CCDC171: variants seen among roughly 807,000 people sequenced by gnomAD.
CCDC171 encodes the protein coiled-coil domain containing 171.
CCDC171 carries 177 observed loss-of-function variants against 168.2 expected under a neutral mutation model. The ratio of observed to expected loss-of-function variants is 1.05; its 90% CI spans 0.93 to 1.19. The LOEUF (loss-of-function observed/expected upper bound fraction) is 1.19, where lower values mean the gene tolerates loss of function less well. Ranked by LOEUF, CCDC171 falls within the 50% of genes most tolerant of loss-of-function variation. The pLI is 0.00. For missense variants in CCDC171, 1,991 were observed against 1,539.0 expected (o/e 1.29, Z -4.91); for synonymous variants, 687 against 540.8 (o/e 1.27, Z -3.75).
At chr9:15,659,680 C>G (rs2048178829) in intron 8 of CCDC171, among the ~76,000 whole-genome samples, 1 of 152,230 alleles carries the variant, frequency 6.6e-6, no homozygotes, top group South Asian at 2.1e-4. Context: ...GCTTATTTGG[C>G]TTTAGCAAGT....
chr9:15,664,216 A>G (rs772832321), intron 8 of CCDC171, among the ~76,000 whole-genome samples: 3 of 152,098 alleles, frequency 2.0e-5, no homozygotes, highest in East Asian at 1.9e-4. Flanking sequence ...CCACTATGCA[A>G]TATATCCAGG....
chr9:15,923,542 A>G lies in CCDC171; in HGVS notation c.3753+3120A>G, dbSNP rs928385769. ...GGGAGATGTTGGTCAGAGAATATAT[A>G]ATTACAGTTAGGTAGGAGAAATAAG... is the stretch of plus-strand genomic sequence containing the variant. On this transcript the variant is annotated intron_variant, in intron 25 of 25. Transcript: ENST00000380701. Among the ~76,000 whole-genome samples, 31 of 151,264 alleles carry G rather than the reference A, an allele frequency of 2.0e-4. 1 individual carries two copies. Among genetic ancestry groups the G allele is most frequent in the African/African-American group, 7.3e-4 (30 of 41,338 alleles).
the CCDC171 span, among the ~76,000 whole-genome samples, chr9:16,078,055 A>AACACAC: frequency 8.8e-4 from 126 of 143,900 alleles, no homozygotes; most frequent in South Asian, 3.9e-3. Context: ...CACCCATGCA[A>AACACAC]ACACACACAC....
the CCDC171 span, among the ~76,000 whole-genome samples, chr9:16,103,044 C>A: frequency 6.6e-6 from 1 of 152,332 alleles, no homozygotes; most frequent in Admixed American, 6.5e-5. Context: ...CAAGCTTTGA[C>A]GCCTGCGTCT....
At chr9:15,621,877 A>C (rs1179033612) in intron 6 of CCDC171, among the ~76,000 whole-genome samples, 1 of 152,250 alleles carries the variant, frequency 6.6e-6, no homozygotes, top group Non-Finnish European at 1.5e-5. Context: ...CATGGAGTCA[A>C]CCTAAATGCT....
intron 18 of CCDC171, among the ~76,000 whole-genome samples, chr9:15,769,961 C>G (rs1057158919): frequency 1.3e-5 from 2 of 152,090 alleles, no homozygotes; most frequent in African/African-American, 4.8e-5. Flanking sequence ...CTTTCCAATA[C>G]AAATTGCATT....
chr9:15,582,669 A>C (rs994705832), intron 4 of CCDC171, among the ~76,000 whole-genome samples: 2 of 152,172 alleles, frequency 1.3e-5, no homozygotes. Context: ...ATTCTCCACA[A>C]ACTAACACAA....
At chr9:16,080,870 T>C in the CCDC171 span, among the ~76,000 whole-genome samples, 1 of 152,202 alleles carries the variant, frequency 6.6e-6, no homozygotes, top group Non-Finnish European at 1.5e-5. Context: ...TCTCTGACCA[T>C]AGTCAGTAGT....
At chr9:15,654,891 A>T (rs1415744842) in intron 7 of CCDC171, among the ~76,000 whole-genome samples, 1 of 152,152 alleles carries the variant, frequency 6.6e-6, no homozygotes, top group Non-Finnish European at 1.5e-5. Flanking sequence ...AGGGACATGG[A>T]TGAAGCTGGA....
rs746409269 is a variant in CCDC171 at position 15,744,502 on chromosome 9, A to C, written c.2279A>C (p.Asn760Thr). 6.2e-7 allele frequency: 1 copy of C among 1,614,116 alleles called. No individual in the cohort carries two copies. The highest frequency in any genetic ancestry group is 1.3e-5 in the African/African-American group (1 of 74,950). The change falls in exon 17 of 26, where the codon AAC becomes ACC. Residue 760 changes from asparagine to threonine, a missense_variant. Asn to Thr is a moderately conservative substitution (Grantham distance 65). Coordinates refer to ENST00000380701, the MANE Select transcript of CCDC171 (RefSeq NM_173550.4). ...AGAGATTTTCTCCAGGAGCAGGTCAACACCTTTGAGTTGTTCAAACTGGAA... is the reference window on the plus strand; with the variant it reads ...AGAGATTTTCTCCAGGAGCAGGTCACCACCTTTGAGTTGTTCAAACTGGAA... The part of the protein sequence containing the change: ...TQRDFLQEQV[N>T]TFELFKLEIR...
At chr9:15,987,482 G>T (rs183494262) in intron 3 of CCDC171, among the ~76,000 whole-genome samples, 54 of 152,006 alleles carry the variant, frequency 3.6e-4, no homozygotes, top group Non-Finnish European at 6.3e-4. Flanking sequence ...GCATGAAAAA[G>T]ATAAACATTT....
At chr9:15,579,854 C>T (rs2040974456) in intron 4 of CCDC171, among the ~76,000 whole-genome samples, 1 of 152,014 alleles carries the variant, frequency 6.6e-6, no homozygotes, top group Non-Finnish European at 1.5e-5. Context: ...TTATATTTAT[C>T]CATTTATTAT....
At chr9:15,586,340 T>C (rs2041555878) in intron 4 of CCDC171, among the ~76,000 whole-genome samples, 1 of 152,164 alleles carries the variant, frequency 6.6e-6, no homozygotes. Context: ...TTGAGGGTAG[T>C]GTAAAAAGCC....
intron 3 of CCDC171, among the ~76,000 whole-genome samples, chr9:15,987,405 C>T (rs1362103569): frequency 6.6e-6 from 1 of 151,944 alleles, no homozygotes; most frequent in Non-Finnish European, 1.5e-5. Flanking sequence ...TGCACATGTA[C>T]CCCTTGAACC....
At chr9:16,072,441 G>T in the CCDC171 span, among the ~76,000 whole-genome samples, 6 of 152,072 alleles carry the variant, frequency 3.9e-5, no homozygotes, top group African/African-American at 1.4e-4. Flanking sequence ...TTTTCCAAAT[G>T]ACCTCTGTTC....
chr9:15,990,569 A>C (rs1268591732), intron 3 of CCDC171, among the ~76,000 whole-genome samples: 1 of 152,212 alleles, frequency 6.6e-6, no homozygotes, highest in Admixed American at 6.5e-5. Flanking sequence ...AAATTCACAC[A>C]TAACAATATT....
chr9:15,981,787 C>G (rs1831805133), intron 3 of CCDC171, among the ~76,000 whole-genome samples: 1 of 152,188 alleles, frequency 6.6e-6, no homozygotes, highest in Non-Finnish European at 1.5e-5. Flanking sequence ...CCGTCTGTCT[C>G]TTTTCCATAT....
At chr9:15,662,822 A>AT (rs1195025934) in intron 8 of CCDC171, among the ~76,000 whole-genome samples, 4 of 152,054 alleles carry the variant, frequency 2.6e-5, no homozygotes, top group Admixed American at 6.5e-5. Context: ...CTAAAAAAAA[A>AT]ATACCAAAAT....
intron 9 of CCDC171, among the ~76,000 whole-genome samples, chr9:15,668,277 T>G (rs1301831920): frequency 6.6e-6 from 1 of 152,176 alleles, no homozygotes; most frequent in Non-Finnish European, 1.5e-5. Flanking sequence ...CTGGAGGAAT[T>G]TTAACCTACT....
Sources: allele counts gnomAD v4.1 joint callset (sites outside exome capture counted in the v4.1 genomes callset), GRCh38; gene constraint gnomAD v4.1.1; transcripts MANE v1.5; gene names NCBI Gene and HGNC (gene_info 2026-07-23, HGNC 2026-07-21).